Variants in PARN observed in about 807,000 individuals in gnomAD.
The protein encoded by PARN is poly(A)-specific ribonuclease.
A neutral mutation model predicts 102.8 loss-of-function variants in PARN; 71 were observed. The ratio of observed to expected loss-of-function variants is 0.69; its 90% CI spans 0.57 to 0.84. The LOEUF is 0.84. Among genes scored for constraint, PARN ranks in the 40% least tolerant of loss-of-function variants. PARN has a pLI of 0.00. For missense variants in PARN, 782 were observed against 760.9 expected (o/e 1.03, Z -0.33); for synonymous variants, 261 against 252.9 (o/e 1.03, Z -0.30).
intron 22 of PARN, among the ~76,000 whole-genome samples, chr16:14,476,026 G>C (rs1214906078): frequency 2.6e-5 from 4 of 152,054 alleles, no homozygotes; most frequent in Non-Finnish European, 5.9e-5. Flanking sequence ...TCATGAAGTA[G>C]TACATTTTTT....
At chr16:14,591,260 G>A (rs1374849089) in intron 13 of PARN, among the ~76,000 whole-genome samples, 1 of 152,098 alleles carries the variant, frequency 6.6e-6, no homozygotes, top group African/African-American at 2.4e-5. Context: ...GCGTGGTGGT[G>A]CACGCCTGTA....
intron 18 of PARN, among the ~76,000 whole-genome samples, chr16:14,568,186 T>C (rs574893867): frequency 2.0e-5 from 3 of 151,446 alleles, no homozygotes; most frequent in Non-Finnish European, 2.9e-5. Flanking sequence ...CTCATCTCTA[T>C]GAAAAACTTT....
chr16:14,564,784 C>T (rs1968330010), intron 18 of PARN, among the ~76,000 whole-genome samples: 1 of 152,144 alleles, frequency 6.6e-6, no homozygotes, highest in Non-Finnish European at 1.5e-5. Flanking sequence ...TATTTTCACT[C>T]CCCGAGTGAA....
At chr16:14,519,137 G>A in intron 21 of PARN, among the ~76,000 whole-genome samples, 1 of 151,820 alleles carries the variant, frequency 6.6e-6, no homozygotes, top group Non-Finnish European at 1.5e-5. Context: ...TTCTTGCTAT[G>A]AGAGAAAGAA....
chr16:14,627,122 A>G lies in PARN; in HGVS notation c.311T>C (p.Val104Ala), dbSNP rs1296075834. 6.3e-7 allele frequency: 1 copy of G among 1,595,308 alleles called. No homozygotes were observed. The highest frequency in any genetic ancestry group is 1.1e-5 in the South Asian group (1 of 89,818). ...GCTACTTACCTGACAAACAAATTTG[A>G]CATCTGGTGAGGATCTATTGAAGGG... ...PKPFNRSSPD[V>A]KFVCQSSSID... is the part of the protein sequence containing the mutation. The change falls in exon 5 of 24, where the codon GTC becomes GCC. Residue 104 changes from valine to alanine, a missense_variant. Transcript: ENST00000437198.
intron 21 of PARN, among the ~76,000 whole-genome samples, chr16:14,492,603 C>T (rs1437548817): frequency 6.6e-6 from 1 of 152,164 alleles, no homozygotes; most frequent in Non-Finnish European, 1.5e-5. Context: ...CTGCTACCTC[C>T]CCATCCTTCC....
At chr16:14,607,987 G>A (rs1402028954) in intron 9 of PARN, 1 of 360,798 alleles carries the variant, frequency 2.8e-6, no homozygotes, top group African/African-American at 2.1e-5. Context: ...TATTTCCTAG[G>A]TCTGAAAACC....
chr16:14,490,979 T>C (rs1964029692), intron 21 of PARN, among the ~76,000 whole-genome samples: 2 of 152,046 alleles, frequency 1.3e-5, no homozygotes, highest in African/African-American at 4.8e-5. Context: ...ATTATGAACA[T>C]TTTCCTGTGT....
chr16:14,514,583 A>T, intron 21 of PARN, among the ~76,000 whole-genome samples: 1 of 152,226 alleles, frequency 6.6e-6, no homozygotes, highest in Non-Finnish European at 1.5e-5. Context: ...ATCACTAAAT[A>T]TCTGAGGAAA....
intron 22 of PARN, among the ~76,000 whole-genome samples, chr16:14,447,488 T>C (rs576824243): frequency 2.0e-5 from 3 of 152,352 alleles, no homozygotes; most frequent in African/African-American, 7.2e-5. Context: ...GACTGCCTAA[T>C]GCATAAAGAG....
chr16:14,451,563 A>G (rs916612803), intron 22 of PARN, among the ~76,000 whole-genome samples: 5 of 152,142 alleles, frequency 3.3e-5, no homozygotes, highest in African/African-American at 1.2e-4. Flanking sequence ...TTTACATGAA[A>G]TTCCAGAAAA....
chr16:14,580,702 TG>T (rs1969480133), intron 18 of PARN, among the ~76,000 whole-genome samples, 171 bp downstream of exon 18: 1 of 152,182 alleles, frequency 6.6e-6, no homozygotes, highest in Non-Finnish European at 1.5e-5. Flanking sequence ...TTAATACATT[TG>T]TTCCCCAAAA....
intron 18 of PARN, among the ~76,000 whole-genome samples, chr16:14,574,375 T>C (rs1317878762): frequency 6.6e-6 from 1 of 152,176 alleles, no homozygotes; most frequent in East Asian, 1.9e-4. Context: ...ATGAGGGAAG[T>C]AGAGCACAAA....
At chr16:14,520,149 A>G (rs926619654) in intron 21 of PARN, among the ~76,000 whole-genome samples, 1 of 152,218 alleles carries the variant, frequency 6.6e-6, no homozygotes, top group African/African-American at 2.4e-5. Context: ...CAATCAGTAA[A>G]GTTCAGACTG....
intron 23 of PARN, among the ~76,000 whole-genome samples, chr16:14,439,390 AAATAG>A (rs1364714225): frequency 6.7e-6 from 1 of 149,700 alleles, no homozygotes; most frequent in African/African-American, 2.5e-5. Flanking sequence ...AAAAAAAAAA[AAATAG>A]AGGGAGGGAG....
chr16:14,579,167 CATGCTGGCCAGGCT>C, intron 18 of PARN, among the ~76,000 whole-genome samples: 1 of 152,234 alleles, frequency 6.6e-6, no homozygotes, highest in East Asian at 1.9e-4. Flanking sequence ...CGGTTTTCAC[CATGCTGGCCAGGCT>C]GGTCTCGAAC....
chr16:14,555,524 A>G, intron 19 of PARN, 130 bp downstream of exon 19: 1 of 472,298 alleles, frequency 2.1e-6, no homozygotes, highest in Admixed American at 4.1e-5. Flanking sequence ...CATACTATTC[A>G]TATCAACCAC....
At position 14,581,045 on chromosome 16, in the gene PARN, G is replaced by C. The variant is rs999899210; in HGVS notation, c.1193-102C>G. On this transcript the variant is annotated intron_variant, in intron 17 of 23. Coordinates refer to ENST00000437198, the MANE Select transcript of PARN (RefSeq NM_002582.4). ...TTAAATTAACAGCATGGTTCAACAAGTGTGAAAGGTATTCTTTTTTTTTTG... is the reference window on the plus strand; with the variant it reads ...TTAAATTAACAGCATGGTTCAACAACTGTGAAAGGTATTCTTTTTTTTTTG... 3 of 660,064 alleles carry C rather than the reference G, an allele frequency of 4.5e-6. No individual in the cohort carries two copies. The African/African-American group carries it at 5.4e-5, about 12-fold the overall frequency. 40.9% of individuals were successfully genotyped at this position (660,064 alleles called of 1,614,324 possible).
In PARN at chr16:14,610,826, A is replaced by G. The variant is rs566179263; in HGVS notation, c.389-17T>C. The G allele has an allele frequency of 6.4e-7, 1 of 1,565,998 alleles. No individual in the cohort carries two copies. The highest frequency in any genetic ancestry group is 2.2e-5 in the East Asian group (1 of 44,598). On this transcript the variant is annotated splice_polypyrimidine_tract_variant and intron_variant, in intron 6 of 23. Transcript: ENST00000437198. ...ATGGAATTCCTAAACACGATTTTAA[A>G]AAGAATGCATTAGCAGAAGTAACTG...
Sources: gnomAD v4.1 joint callset for allele counts (sites outside exome capture counted in the v4.1 genomes callset) on GRCh38, gnomAD v4.1.1 for gene constraint, MANE v1.5 for transcripts, NCBI Gene and HGNC (gene_info 2026-07-23, HGNC 2026-07-21) for gene names.